The following ACSL6 variants were observed in gnomAD, a reference collection of about 807,000 sequenced individuals.
ACSL6 encodes the protein acyl-CoA synthetase long chain family member 6, also known as long-chain-fatty-acid--CoA ligase 6.
In ACSL6, 47 loss-of-function variants were observed where a neutral mutation model predicts 98.2. That is an observed-to-expected ratio of 0.48 (90% confidence interval 0.38 to 0.61). The LOEUF (loss-of-function observed/expected upper bound fraction) is 0.61. Ranked by LOEUF, ACSL6 falls within the 20% of genes least tolerant of loss-of-function variation. The pLI is 0.00. For missense variants in ACSL6, 761 were observed against 913.4 expected, an observed-to-expected ratio of 0.83 and a Z score of 2.15; for synonymous variants, 362 against 336.9, an observed-to-expected ratio of 1.07 and a Z score of -0.82.
chr5:131,980,190 C>T (rs1016490694), intron 9 of ACSL6, among the ~76,000 whole-genome samples: 2 of 152,154 alleles, frequency 1.3e-5, no homozygotes, highest in Non-Finnish European at 2.9e-5. Context: ...TAATAGTTAC[C>T]GGTGACTGAC....
chr5:131,971,448 T>A, intron 14 of ACSL6, 102 bp downstream of exon 14: 1 of 988,280 alleles, frequency 1.0e-6, no homozygotes, highest in East Asian at 3.2e-5. Flanking sequence ...CTCACAAAAA[T>A]CTTGTCCCCC....
At chr5:131,955,974 C>A (rs1752382730) in intron 20 of ACSL6, among the ~76,000 whole-genome samples, 1 of 152,128 alleles carries the variant, frequency 6.6e-6, no homozygotes, top group South Asian at 2.1e-4. Flanking sequence ...ATCTATCCAC[C>A]TTCTTTTGTT....
rs1752242732 is a variant in ACSL6 at position 131,953,333 on chromosome 5, G to T, written c.*901C>A. On this transcript the variant is annotated 3_prime_UTR_variant, in exon 21 of 21. Coordinates refer to ENST00000651883, the MANE Select transcript of ACSL6 (RefSeq NM_001009185.3). ...TGTGTTTTAATAATATCTGAATTTG[G>T]CTGGGAACAATGGCTCATGCCTGTA... 1 of 183,816 alleles carries T rather than the reference G, an allele frequency of 5.4e-6. No individual in the cohort carries two copies. Among genetic ancestry groups the T allele is most frequent in the South Asian group, 2.0e-4 (1 of 5,100 alleles). The allele number at this position is 183,816 out of a possible 1,614,324, so 11.4% of individuals were successfully genotyped here. A position where few individuals can be genotyped will look rare whatever the true frequency, so the allele number is the denominator to read the frequency against.
intron 17 of ACSL6, among the ~76,000 whole-genome samples, chr5:131,965,657 G>A (rs2149701795): frequency 6.6e-6 from 1 of 152,330 alleles, no homozygotes; most frequent in South Asian, 2.1e-4. Context: ...GGGAGGTGGA[G>A]GTTGCAGTGA....
At chr5:131,979,542 A>C (rs1270587280) in intron 9 of ACSL6, among the ~76,000 whole-genome samples, 3 of 152,240 alleles carry the variant, frequency 2.0e-5, no homozygotes, top group African/African-American at 4.8e-5. Flanking sequence ...GCATGATGAG[A>C]AAAGTTCATG....
intron 10 of ACSL6, chr5:131,976,195 G>A: frequency 1.0e-6 from 1 of 985,406 alleles, no homozygotes; most frequent in Non-Finnish European, 1.2e-6. Flanking sequence ...TTTAAGTACA[G>A]CCTTATAAAT....
intron 12 of ACSL6, 70 bp from the exon 13 acceptor site, chr5:131,972,928 TA>T: frequency 6.2e-7 from 1 of 1,607,694 alleles, no homozygotes; most frequent in African/African-American, 1.3e-5. Flanking sequence ...CCCCCAGGAA[TA>T]AGGCCCAGAC....
At chr5:132,000,389 C>A (rs1755022310) in intron 1 of ACSL6, among the ~76,000 whole-genome samples, 1 of 151,820 alleles carries the variant, frequency 6.6e-6, no homozygotes. Flanking sequence ...GGAGCCAGAA[C>A]CCACACCCTT....
Position 131,990,983 on chromosome 5 carries a change from C to T in ACSL6, c.271-16G>A, listed in dbSNP as rs754094958. 2.5e-6 allele frequency: 4 copies of T among 1,612,756 alleles called. No individual in the cohort carries two copies. Among genetic ancestry groups the T allele is most frequent in the Middle Eastern group, 1.7e-4 (1 of 6,056 alleles). ...CGCCACTGTCCTACAAGCCAAGCAC[C>T]GGCCAGAGAAGTTGGCTGAGGCAGG... On this transcript the variant is annotated splice_polypyrimidine_tract_variant and intron_variant, in intron 2 of 20. Transcript: ENST00000651883.
intron 15 of ACSL6, among the ~76,000 whole-genome samples, chr5:131,968,641 A>C (rs948844114): frequency 6.6e-6 from 1 of 152,196 alleles, no homozygotes; most frequent in Non-Finnish European, 1.5e-5. Flanking sequence ...CCATGAAAAT[A>C]AGACTCCAAA....
At chr5:132,006,826 G>A (rs1755434775) in intron 1 of ACSL6, 2 of 152,140 alleles carry the variant, frequency 1.3e-5, no homozygotes, top group African/African-American at 4.8e-5. Context: ...CAGCACACAG[G>A]GTTCTCCAGT....
chr5:131,960,758 T>C (rs1752664066), intron 18 of ACSL6, 137 bp from the exon 19 acceptor site: 2 of 613,166 alleles, frequency 3.3e-6, no homozygotes. Context: ...GTTGATGTCA[T>C]GAAATCTTTC....
At chr5:131,979,754 C>G (rs1438008598) in intron 9 of ACSL6, among the ~76,000 whole-genome samples, 1 of 152,154 alleles carries the variant, frequency 6.6e-6, no homozygotes. Context: ...CAGAATTTTC[C>G]CTGGTTTTCT....
intron 13 of ACSL6, among the ~76,000 whole-genome samples, chr5:131,972,337 G>A (rs1442385798): frequency 6.6e-6 from 1 of 152,100 alleles, no homozygotes; most frequent in Admixed American, 6.5e-5. Context: ...AGAAGATTTT[G>A]AACCATTTGG....
At position 131,985,395 on chromosome 5, in the gene ACSL6, G is replaced by A. The variant is rs879534211; in HGVS notation, c.916+12C>T. On this transcript the variant is annotated intron_variant, in intron 9 of 20. Transcript: ENST00000651883. ...GGTAGCCATGGCTGGGGATCTGCGT[G>A]CCTCTGCTTACCTGTCGTGCCGCTT... is the stretch of plus-strand genomic sequence containing the variant. 23 of 1,613,922 alleles carry A rather than the reference G, an allele frequency of 1.4e-5. No individual in the cohort carries two copies. The highest frequency in any genetic ancestry group is 1.9e-5 in the Non-Finnish European group (23 of 1,180,006).
At chr5:131,959,781 C>T (rs1484056733) in intron 19 of ACSL6, 174 bp from the exon 20 acceptor site, 1 of 638,362 alleles carries the variant, frequency 1.6e-6, no homozygotes, top group African/African-American at 1.8e-5. Flanking sequence ...CACCTCTCAT[C>T]TGGCAAGTAA....
At chr5:131,982,178 C>T (rs1175076939) in intron 9 of ACSL6, 2 of 113,632 alleles carry the variant, frequency 1.8e-5, no homozygotes, top group Non-Finnish European at 3.3e-5. Flanking sequence ...GAGTCTCGCT[C>T]TGTCGCCCAG....
chr5:131,967,835 G>T, intron 16 of ACSL6, 105 bp downstream of exon 16: 1 of 1,005,278 alleles, frequency 9.9e-7, no homozygotes, highest in South Asian at 1.6e-5. Flanking sequence ...AGTTTAAAAT[G>T]ACTTTATACA....
chr5:131,966,369 C>G, intron 17 of ACSL6, 47 bp downstream of exon 17: 1 of 1,581,584 alleles, frequency 6.3e-7, no homozygotes, highest in Non-Finnish European at 8.7e-7. Flanking sequence ...ACCACACACC[C>G]TCCCACTGCC....
Sources: allele counts gnomAD v4.1 joint callset (sites outside exome capture counted in the v4.1 genomes callset), GRCh38; gene constraint gnomAD v4.1.1; transcripts MANE v1.5; gene names NCBI Gene and HGNC (gene_info 2026-07-23, HGNC 2026-07-21).